CTNNA1: variants seen among roughly 807,000 people sequenced by gnomAD.
CTNNA1 encodes catenin alpha-1.
Under a neutral mutation model 98.4 loss-of-function variants are expected in CTNNA1, and 37 were observed. The ratio of observed to expected loss-of-function variants is 0.38; its 90% CI spans 0.29 to 0.49. The LOEUF is 0.49. CTNNA1 is among the 20% of genes least tolerant of loss of function. The pLI is 0.95. For missense variants in CTNNA1, 761 were observed against 1,147.2 expected (o/e 0.66, Z 4.86); for synonymous variants, 404 against 413.2 (o/e 0.98, Z 0.27).
intron 7 of CTNNA1, among the ~76,000 whole-genome samples, chr5:138,830,495 A>G (rs968615061): frequency 6.6e-6 from 1 of 152,260 alleles, no homozygotes; most frequent in African/African-American, 2.4e-5. Context: ...AACAGTGAAC[A>G]GGCTTGGTCC....
chr5:138,890,123 T>C (rs1366439134), intron 9 of CTNNA1, among the ~76,000 whole-genome samples: 1 of 152,196 alleles, frequency 6.6e-6, no homozygotes, highest in Non-Finnish European at 1.5e-5. Context: ...CATTTGCCAT[T>C]TTCCCTGGGG....
intron 3 of CTNNA1, among the ~76,000 whole-genome samples, chr5:138,792,206 G>A (rs1170476946): frequency 1.3e-5 from 2 of 152,142 alleles, no homozygotes; most frequent in African/African-American, 4.8e-5. Context: ...ACATGTATGT[G>A]TATGTGTATA....
intron 7 of CTNNA1, among the ~76,000 whole-genome samples, chr5:138,832,265 G>T (rs557680421): frequency 7.9e-5 from 12 of 152,110 alleles, no homozygotes; most frequent in Non-Finnish European, 1.6e-4. Flanking sequence ...GGACTCTAAG[G>T]AAATATTGAC....
At chr5:138,851,115 G>A (rs544693407) in intron 7 of CTNNA1, among the ~76,000 whole-genome samples, 27 of 152,294 alleles carry the variant, frequency 1.8e-4, no homozygotes, top group Non-Finnish European at 3.1e-4. Context: ...ATATATTCCT[G>A]GGAAGTTGAG....
intron 3 of CTNNA1, among the ~76,000 whole-genome samples, chr5:138,809,588 A>T (rs1340188530): frequency 6.6e-6 from 1 of 152,178 alleles, no homozygotes; most frequent in South Asian, 2.1e-4. Context: ...GGCTGTACAC[A>T]TCATGTAGTT....
intron 13 of CTNNA1, among the ~76,000 whole-genome samples, chr5:138,927,688 A>G (rs1764402630): frequency 6.9e-6 from 1 of 145,350 alleles, no homozygotes; most frequent in South Asian, 2.2e-4. Context: ...TTTAGGGCCC[A>G]GAACAGTGCT....
intron 14 of CTNNA1, among the ~76,000 whole-genome samples, chr5:138,930,120 A>T (rs1015404046): frequency 2.6e-5 from 4 of 152,198 alleles, no homozygotes; most frequent in Admixed American, 6.5e-5. Flanking sequence ...AGGGCCCACC[A>T]GGGAAAGGGC....
At chr5:138,838,794 T>TG (rs1762024957) in intron 7 of CTNNA1, among the ~76,000 whole-genome samples, 1 of 152,072 alleles carries the variant, frequency 6.6e-6, no homozygotes, top group Non-Finnish European at 1.5e-5. Context: ...TTTTTGTTGT[T>TG]GTTTGTTTGT....
At chr5:138,780,394 C>T (rs1035067063) in intron 1 of CTNNA1, among the ~76,000 whole-genome samples, 7 of 150,702 alleles carry the variant, frequency 4.6e-5, no homozygotes, top group Non-Finnish European at 7.4e-5. Context: ...TGGGTTTCAC[C>T]GTGTTAGGCA....
chr5:138,760,284 G>A (rs1259316390), intron 1 of CTNNA1, among the ~76,000 whole-genome samples: 3 of 151,302 alleles, frequency 2.0e-5, no homozygotes, highest in South Asian at 2.1e-4. Flanking sequence ...GTGAGCCACC[G>A]TGCTCAGCCG....
chr5:138,806,573 T>C (rs1024214649), intron 3 of CTNNA1, among the ~76,000 whole-genome samples: 1 of 152,144 alleles, frequency 6.6e-6, no homozygotes, highest in Non-Finnish European at 1.5e-5. Flanking sequence ...TTAGGTTTAT[T>C]GTATGTACTT....
At chr5:138,779,325 C>T (rs1437293109) in intron 1 of CTNNA1, among the ~76,000 whole-genome samples, 1 of 152,142 alleles carries the variant, frequency 6.6e-6, no homozygotes, top group Non-Finnish European at 1.5e-5. Context: ...TTTTGAGGAT[C>T]CCTATGGTCT....
intron 13 of CTNNA1, 124 bp downstream of exon 13, chr5:138,925,531 C>T (rs1299484511): frequency 7.5e-7 from 1 of 1,332,652 alleles, no homozygotes; most frequent in Non-Finnish European, 1.0e-6. Flanking sequence ...AATCTAAAAG[C>T]TGTTAGAATG....
intron 5 of CTNNA1, among the ~76,000 whole-genome samples, chr5:138,820,654 G>T (rs1759940827): frequency 6.6e-6 from 1 of 151,994 alleles, no homozygotes; most frequent in Non-Finnish European, 1.5e-5. Context: ...TTGTCACCAG[G>T]GTTTCTGTAA....
At chr5:138,835,709 A>G (rs1761711543) in intron 7 of CTNNA1, among the ~76,000 whole-genome samples, 1 of 152,218 alleles carries the variant, frequency 6.6e-6, no homozygotes, top group East Asian at 1.9e-4. Context: ...AATGATTACT[A>G]CAGTGAAGCC....
At chr5:138,882,637 A>T (rs1753170999) in intron 7 of CTNNA1, among the ~76,000 whole-genome samples, 1 of 152,242 alleles carries the variant, frequency 6.6e-6, no homozygotes, top group Non-Finnish European at 1.5e-5. Context: ...CAGCAATGCC[A>T]GGAACATATT....
chr5:138,819,541 A>G lies in CTNNA1; in HGVS notation c.589-4989A>G, dbSNP rs529587412. On this transcript the variant is annotated intron_variant, in intron 5 of 17. Transcript: ENST00000302763. The stretch of plus-strand genomic sequence containing the variant: ...TTAGGGCACCAGTTCCCCAGGGGCA[A>G]TGTGCTGCTTCAGCGCAGGCCTGAG... 1.1e-4 allele frequency among the ~76,000 whole-genome samples: 16 copies of G among 152,240 alleles called. No individual in the cohort carries two copies. The South Asian group carries it at 1.9e-3, about 18-fold the overall frequency.
chr5:138,881,797 G>A (rs574199710), intron 7 of CTNNA1, among the ~76,000 whole-genome samples: 1 of 152,162 alleles, frequency 6.6e-6, no homozygotes, highest in South Asian at 2.1e-4. Context: ...TGGCTGAGGA[G>A]GTATTTTATC....
In CTNNA1 at chr5:138,910,413, G is replaced by GT. The variant is rs1459006563; in HGVS notation, c.1389+5979dup. ...TCTTTAATAGACAGGGATATTTAGGGTTTTTTTAATTCTTGAGTGAGCTTT... is the reference window on the plus strand; with the variant it reads ...TCTTTAATAGACAGGGATATTTAGGGTTTTTTTTAATTCTTGAGTGAGCTTT... On this transcript the variant is annotated intron_variant, in intron 10 of 17. Coordinates refer to ENST00000302763, the MANE Select transcript of CTNNA1 (RefSeq NM_001903.5). Among the ~76,000 whole-genome samples, 29 of 151,228 alleles carry GT rather than the reference G, an allele frequency of 1.9e-4. 1 individual carries two copies. The East Asian group carries it at 4.5e-3, about 23-fold the overall frequency.
Sources: allele counts gnomAD v4.1 joint callset (sites outside exome capture counted in the v4.1 genomes callset), GRCh38; gene constraint gnomAD v4.1.1; transcripts MANE v1.5; gene names NCBI Gene and HGNC (gene_info 2026-07-23, HGNC 2026-07-21).